The following DPP4 variants were observed in gnomAD, a reference collection of about 807,000 sequenced individuals.
DPP4 encodes the protein ADCP-2.
A neutral mutation model predicts 122.4 loss-of-function variants in DPP4; 93 were observed. That is an observed-to-expected ratio of 0.76 (90% CI 0.64 to 0.90). The LOEUF is 0.90. DPP4 is among the 40% of genes least tolerant of loss of function. The pLI is 0.00. For missense variants in DPP4, 914 were observed against 907.3 expected (o/e 1.01, Z -0.09); for synonymous variants, 321 against 302.9 (o/e 1.06, Z -0.62).
At chr2:161,993,655 A>C (rs1161489866) in intron 25 of DPP4, among the ~76,000 whole-genome samples, 1 of 152,124 alleles carries the variant, frequency 6.6e-6, no homozygotes, top group Non-Finnish European at 1.5e-5. Flanking sequence ...GCTTTATTGA[A>C]TAGTGCTTTA....
intron 4 of DPP4, among the ~76,000 whole-genome samples, 169 bp from the exon 5 acceptor site, chr2:162,045,781 G>A (rs1684152725): frequency 6.6e-6 from 1 of 152,190 alleles, no homozygotes; most frequent in Non-Finnish European, 1.5e-5. Flanking sequence ...ATGCAAGGTA[G>A]GTGGCGATCA....
rs1407360676 is a variant in DPP4, at chr2:162,049,210, C to A, written c.95-1709G>T. Reference sequence around the variant, plus strand: ...CAGGAAATGCCTTCCTTGTAATTTTCTTACAGAAAATGCTCTTTCAAACAA... The same window carrying A: ...CAGGAAATGCCTTCCTTGTAATTTTATTACAGAAAATGCTCTTTCAAACAA... On this transcript the variant is annotated intron_variant, in intron 2 of 25. Coordinates refer to ENST00000360534, the MANE Select transcript of DPP4 (RefSeq NM_001935.4). 3.9e-5 allele frequency among the ~76,000 whole-genome samples: 6 copies of A among 152,278 alleles called. No individual in the cohort carries two copies. In the East Asian group the frequency reaches 9.6e-4, roughly 24 times the overall value.
In DPP4 at chr2:162,018,838, AC is replaced by A; in HGVS notation, c.1310del (p.Ser437MetfsTer6). The A allele has an allele frequency of 6.2e-7, 1 of 1,614,008 alleles. No individual in the cohort carries two copies. Among genetic ancestry groups the A allele is most frequent in the Non-Finnish European group, 8.5e-7 (1 of 1,180,010 alleles). On this transcript the variant is annotated frameshift_variant, in exon 16 of 26. Coordinates refer to ENST00000360534, the MANE Select transcript of DPP4 (RefSeq NM_001935.4). LOFTEE classifies it high-confidence loss of function. Reference protein sequence around the residue: ...GGRNLYKIQLSDYTKVTCLSC... With the variant: ...GGRNLYKIQLXDYTKVTCLSC... Reference sequence around the variant, plus strand: ...TGAGGCATGTCACTTTTGTATAGTCACTAAGTTGGATTCTGTAAAACCAACG... The same window carrying A: ...TGAGGCATGTCACTTTTGTATAGTCATAAGTTGGATTCTGTAAAACCAACG...
intron 21 of DPP4, 49 bp from the exon 22 acceptor site, chr2:162,008,710 T>C: frequency 6.6e-7 from 1 of 1,514,868 alleles, no homozygotes; most frequent in African/African-American, 1.4e-5. Flanking sequence ...AATAAGGACA[T>C]ATGGTAAGCG....
At chr2:162,054,408 T>C (rs1684494480) in intron 2 of DPP4, among the ~76,000 whole-genome samples, 2 of 152,120 alleles carry the variant, frequency 1.3e-5, no homozygotes, top group East Asian at 1.9e-4. Context: ...AAGTTAAGAT[T>C]TGGGGGGCTA....
chr2:162,011,959 C>T lies in DPP4; in HGVS notation c.1666G>A (p.Asp556Asn). The T allele has an allele frequency of 6.2e-7, 1 of 1,613,610 alleles. No homozygotes were observed. Among genetic ancestry groups the T allele is most frequent in the Non-Finnish European group, 8.5e-7 (1 of 1,179,638 alleles). Residue 556 changes from aspartate to asparagine, a missense_variant, in exon 20 of 26, where the codon GAC becomes AAC. By Grantham distance (23) the Asp-to-Asn change is conservative. Coordinates refer to ENST00000360534, the MANE Select transcript of DPP4 (RefSeq NM_001935.4). The stretch of plus-strand genomic sequence containing the variant: ...GCCCAGTTCAGTCTGAAGACAGTGT[C>T]TGCTTTTTGACTACATGGGCCTGCA... Reference protein sequence around the residue: ...VYAGPCSQKADTVFRLNWATY... With the variant: ...VYAGPCSQKANTVFRLNWATY...
At chr2:162,005,712 G>T (rs766339818) in intron 23 of DPP4, 33 bp downstream of exon 23, 3 of 1,563,226 alleles carry the variant, frequency 1.9e-6, no homozygotes, top group South Asian at 1.1e-5. Flanking sequence ...TTATAAATAG[G>T]TTATAAAATA....
rs754557228 is a variant in DPP4 at position 162,008,652 on chromosome 2, C to G, written c.1897G>C (p.Gly633Arg). 4.3e-6 allele frequency: 7 copies of G among 1,613,386 alleles called. No individual in the cohort carries two copies. The highest frequency in any genetic ancestry group is 5.9e-6 in the Non-Finnish European group (7 of 1,179,460). Residue 633 changes from glycine (G) to arginine (R), a missense_variant, in exon 22 of 26, where the codon GGG becomes CGG. Coordinates refer to ENST00000360534, the MANE Select transcript of DPP4 (RefSeq NM_001935.4). ...RIAIWGWSYGGYVTSMVLGSG... is the reference protein window; with the variant it reads ...RIAIWGWSYGRYVTSMVLGSG... ...CCCAGGACCATTGAGGTTACGTACC[C>G]TCCATATGACTAAGGAATGGAAACA...
At chr2:161,995,125 T>C in intron 24 of DPP4, 91 bp from the exon 25 acceptor site, 3 of 1,451,438 alleles carry the variant, frequency 2.1e-6, no homozygotes, top group African/African-American at 2.8e-5. Context: ...AGAAAGGGAC[T>C]GTTTGAAGTT....
chr2:162,060,978 T>C (rs376317278), intron 2 of DPP4, among the ~76,000 whole-genome samples: 1 of 115,928 alleles, frequency 8.6e-6, no homozygotes, highest in East Asian at 2.8e-4. Context: ...GCTTCCTTCC[T>C]TCCCTCCCTC....
intron 23 of DPP4, among the ~76,000 whole-genome samples, chr2:161,996,484 G>A (rs1476958235): frequency 6.6e-6 from 1 of 152,162 alleles, no homozygotes; most frequent in Admixed American, 6.6e-5. Context: ...TGGTGGTCTG[G>A]CAGGAAGGGG....
At chr2:162,004,166 C>T (rs905607433) in intron 23 of DPP4, among the ~76,000 whole-genome samples, 1 of 152,140 alleles carries the variant, frequency 6.6e-6, no homozygotes, top group African/African-American at 2.4e-5. Context: ...AGAGTGAGGA[C>T]TGGGCTTAGT....
intron 23 of DPP4, among the ~76,000 whole-genome samples, chr2:161,995,929 G>A (rs1024407612): frequency 5.9e-5 from 9 of 152,156 alleles, no homozygotes; most frequent in Non-Finnish European, 1.2e-4. Flanking sequence ...TAAAAACCTA[G>A]GCAAATGTAA....
intron 5 of DPP4, among the ~76,000 whole-genome samples, chr2:162,040,023 C>T (rs966962147): frequency 2.0e-5 from 3 of 151,972 alleles, no homozygotes; most frequent in African/African-American, 7.2e-5. Flanking sequence ...CTATTATAAA[C>T]ATTTTTTTGC....
At position 162,038,407 on chromosome 2, in the gene DPP4, T is replaced by C; in HGVS notation, c.508A>G (p.Asn170Asp). 7.5e-6 allele frequency: 12 copies of C among 1,603,874 alleles called. No individual in the cohort carries two copies. Among genetic ancestry groups the C allele is most frequent in the South Asian group, 1.1e-5 (1 of 88,586 alleles). Residue 170 changes from asparagine (N) to aspartate (D), a missense_variant, in exon 8 of 26, where the codon AAT (asparagine) becomes GAT (aspartate). By Grantham distance (23) the Asn-to-Asp change is conservative (BLOSUM62 1). Coordinates refer to ENST00000360534, the MANE Select transcript of DPP4 (RefSeq NM_001935.4). ...VGHKLAYVWN[N>D]DIYVKIEPNL... ...GGTTCAATTTTAACATAAATGTCAT[T>C]GTTCCAAACATATGCCTAGAAGGAA...
rs76961472 is a variant in DPP4, at chr2:162,070,419, A to T, written c.94+2980T>A. Among the ~76,000 whole-genome samples, 283 of 151,694 alleles carry T rather than the reference A, an allele frequency of 1.9e-3. 1 individual carries two copies. The highest frequency in any genetic ancestry group is 0.01 in the Middle Eastern group (3 of 292). ...TGGAAATGCTTGACCTCTTAAATCA[A>T]CCTCTCAGGGGATGAACTTGGGTTT... On this transcript the variant is annotated intron_variant, in intron 2 of 25. Coordinates refer to ENST00000360534, the MANE Select transcript of DPP4 (RefSeq NM_001935.4).
chr2:161,994,837 G>T, intron 25 of DPP4, 124 bp downstream of exon 25: 1 of 859,822 alleles, frequency 1.2e-6, no homozygotes, highest in Non-Finnish European at 1.8e-6. Context: ...ACTTCACGTT[G>T]AAAAAAAAAT....
intron 2 of DPP4, among the ~76,000 whole-genome samples, chr2:162,063,834 G>A (rs1465725972): frequency 6.6e-6 from 1 of 152,162 alleles, no homozygotes; most frequent in Non-Finnish European, 1.5e-5. Flanking sequence ...GGTGGAAAAA[G>A]ACAGTTTCCT....
At chr2:162,012,033 A>C in intron 19 of DPP4, 46 bp from the exon 20 acceptor site, 2 of 1,573,028 alleles carry the variant, frequency 1.3e-6, no homozygotes, top group Non-Finnish European at 1.7e-6. Context: ...TTCTGGAATC[A>C]AATGAGGAAT....
Sources: allele counts gnomAD v4.1 joint callset (sites outside exome capture counted in the v4.1 genomes callset), GRCh38; gene constraint gnomAD v4.1.1; transcripts MANE v1.5; gene names NCBI Gene and HGNC (gene_info 2026-07-23, HGNC 2026-07-21).